The following GABRB3 variants were observed in gnomAD, a reference collection of about 807,000 sequenced individuals.
GABRB3 encodes the protein gamma-aminobutyric acid type A receptor subunit beta3, also known as gamma-aminobutyric acid receptor subunit beta-3.
A neutral mutation model predicts 52.1 loss-of-function variants in GABRB3; 14 were observed. That is an observed-to-expected ratio of 0.27 (90% CI 0.18 to 0.42). The LOEUF is 0.42. GABRB3 is among the 10% of genes least tolerant of loss of function. The probability of loss-of-function intolerance (pLI) is 1.00; values close to 1 mark genes in which losing one functional copy is unlikely to be tolerated. For missense variants in GABRB3, 307 were observed against 609.1 expected (o/e 0.50, Z 5.22); for synonymous variants, 260 against 232.3 (o/e 1.12, Z -1.08).
intron 7 of GABRB3, among the ~76,000 whole-genome samples, chr15:26,567,222 TAAAAAA>T (rs1890212221): frequency 6.6e-6 from 1 of 152,188 alleles, no homozygotes; most frequent in African/African-American, 2.4e-5. Context: ...TTTTCTGACT[TAAAAAA>T]GAAGAATGCA....
chr15:26,618,857 G>A (rs868280713), intron 4 of GABRB3, among the ~76,000 whole-genome samples: 54 of 151,790 alleles, frequency 3.6e-4, no homozygotes, highest in African/African-American at 1.2e-3. Flanking sequence ...AGTGGGCGAA[G>A]GACATGAACA....
intron 3 of GABRB3, among the ~76,000 whole-genome samples, chr15:26,706,396 C>T (rs1889103815): frequency 6.6e-6 from 1 of 151,774 alleles, no homozygotes; most frequent in African/African-American, 2.4e-5. Context: ...TTTTCAAAAA[C>T]CTAGGTAATA....
At chr15:26,745,219 G>A (rs1890306822) in intron 3 of GABRB3, among the ~76,000 whole-genome samples, 1 of 152,106 alleles carries the variant, frequency 6.6e-6, no homozygotes, top group Non-Finnish European at 1.5e-5. Context: ...CTTAACACTG[G>A]GGATTACAGT....
At chr15:26,747,335 A>G (rs999140090) in intron 3 of GABRB3, among the ~76,000 whole-genome samples, 4 of 152,230 alleles carry the variant, frequency 2.6e-5, no homozygotes, top group African/African-American at 9.6e-5. Context: ...ACATTTTGCT[A>G]TGGTAAGTCT....
chr15:26,717,404 G>A (rs761913323), intron 3 of GABRB3, among the ~76,000 whole-genome samples: 2 of 152,212 alleles, frequency 1.3e-5, no homozygotes, highest in Non-Finnish European at 1.5e-5. Context: ...TTGCTCTCCA[G>A]CTCTGAAGCT....
At chr15:26,689,263 C>G (rs1888503665) in intron 3 of GABRB3, among the ~76,000 whole-genome samples, 1 of 152,174 alleles carries the variant, frequency 6.6e-6, no homozygotes, top group Admixed American at 6.5e-5. Context: ...AAAGGGACAG[C>G]AAACGTGTAC....
At chr15:26,566,054 T>C (rs1890161241) in intron 7 of GABRB3, among the ~76,000 whole-genome samples, 1 of 152,208 alleles carries the variant, frequency 6.6e-6, no homozygotes, top group African/African-American at 2.4e-5. Context: ...AATATACGTA[T>C]TTTTAAAGTA....
intron 3 of GABRB3, among the ~76,000 whole-genome samples, chr15:26,696,335 G>A (rs530124108): frequency 1.3e-4 from 19 of 151,924 alleles, no homozygotes; most frequent in South Asian, 2.1e-4. Context: ...TCTAAACCCC[G>A]CACACCTTTT....
intron 3 of GABRB3, among the ~76,000 whole-genome samples, chr15:26,714,470 T>C (rs1258560724): frequency 6.6e-6 from 1 of 152,162 alleles, no homozygotes; most frequent in Non-Finnish European, 1.5e-5. Context: ...TCAATCAATG[T>C]ATGTAAGATG....
chr15:26,702,109 C>A (rs997566852), intron 3 of GABRB3, among the ~76,000 whole-genome samples: 1 of 152,068 alleles, frequency 6.6e-6, no homozygotes, highest in African/African-American at 2.4e-5. Flanking sequence ...GAACCAGAGA[C>A]CTAAATGTAA....
At chr15:26,653,934 A>C (rs1052799795) in intron 3 of GABRB3, among the ~76,000 whole-genome samples, 4 of 152,208 alleles carry the variant, frequency 2.6e-5, no homozygotes, top group African/African-American at 9.6e-5. Flanking sequence ...AGCTTGAAAA[A>C]GTACTCAACC....
At chr15:26,747,273 T>G (rs1890372632) in intron 3 of GABRB3, among the ~76,000 whole-genome samples, 1 of 152,206 alleles carries the variant, frequency 6.6e-6, no homozygotes, top group Non-Finnish European at 1.5e-5. Flanking sequence ...AAATCCTTGC[T>G]GGGACTTTGA....
intron 3 of GABRB3, among the ~76,000 whole-genome samples, chr15:26,640,447 G>T (rs979454132): frequency 6.6e-6 from 1 of 152,084 alleles, no homozygotes; most frequent in African/African-American, 2.4e-5. Flanking sequence ...AACCCGGGAG[G>T]TGGAGCTTGC....
intron 3 of GABRB3, among the ~76,000 whole-genome samples, chr15:26,769,639 A>T (rs543141960): frequency 6.6e-6 from 1 of 152,248 alleles, no homozygotes; most frequent in Non-Finnish European, 1.5e-5. Context: ...AACCCAGAAT[A>T]TCCTCTTTCA....
intron 4 of GABRB3, chr15:26,616,206 C>A: frequency 1.7e-6 from 1 of 585,710 alleles, no homozygotes; most frequent in Non-Finnish European, 2.8e-6. Context: ...TGGAGGGTGG[C>A]TGAGCCATGT....
intron 6 of GABRB3, among the ~76,000 whole-genome samples, chr15:26,579,855 G>T (rs1047697375): frequency 6.6e-6 from 1 of 152,092 alleles, no homozygotes; most frequent in Non-Finnish European, 1.5e-5. Context: ...TGTCTAATGG[G>T]GCAAGGCGGA....
At chr15:26,630,109 T>C in intron 3 of GABRB3, among the ~76,000 whole-genome samples, 1 of 152,150 alleles carries the variant, frequency 6.6e-6, no homozygotes, top group African/African-American at 2.4e-5. Flanking sequence ...GAAGCCCTTG[T>C]GGAGCAATTA....
chr15:26,650,311 C>G (rs1001403106), intron 3 of GABRB3, among the ~76,000 whole-genome samples: 1 of 152,086 alleles, frequency 6.6e-6, no homozygotes, highest in Non-Finnish European at 1.5e-5. Context: ...CACCCCAGCC[C>G]CATGCATACC....
intron 8 of GABRB3, chr15:26,557,559 GT>G (rs1358565307): frequency 6.6e-6 from 1 of 152,112 alleles, no homozygotes; most frequent in Non-Finnish European, 1.5e-5. Context: ...CTTTTTGGGA[GT>G]TACATTTCTA....
Sources: gnomAD v4.1 joint callset for allele counts (sites outside exome capture counted in the v4.1 genomes callset) on GRCh38, gnomAD v4.1.1 for gene constraint, MANE v1.5 for transcripts, NCBI Gene and HGNC (gene_info 2026-07-23, HGNC 2026-07-21) for gene names.